Variants in SLIT2 observed in about 807,000 individuals in gnomAD.
SLIT2 encodes slit guidance ligand 2, also known as slit homolog 2 protein.
Under a neutral mutation model 185.7 loss-of-function variants are expected in SLIT2, and 41 were observed. The ratio of observed to expected loss-of-function variants is 0.22; its 90% CI spans 0.17 to 0.29. SLIT2 has a LOEUF of 0.29. Among genes scored for constraint, SLIT2 ranks in the 10% least tolerant of loss-of-function variants. The pLI, the probability that SLIT2 is intolerant of heterozygous loss-of-function variation, is 1.00. For missense variants in SLIT2, 1,571 were observed against 1,909.0 expected (o/e 0.82, Z 3.30); for synonymous variants, 693 against 680.2 (o/e 1.02, Z -0.29).
At chr4:20,536,376 G>A (rs1431331858) in intron 18 of SLIT2, among the ~76,000 whole-genome samples, 2 of 151,968 alleles carry the variant, frequency 1.3e-5, no homozygotes, top group Non-Finnish European at 2.9e-5. Context: ...GGCCAATATG[G>A]TGAAACCCCA....
intron 30 of SLIT2, among the ~76,000 whole-genome samples, chr4:20,595,047 C>T (rs1727861376): frequency 6.6e-6 from 1 of 152,134 alleles, no homozygotes; most frequent in Non-Finnish European, 1.5e-5. Flanking sequence ...CCTTTACCAC[C>T]ATGGTGAACA....
rs558112135 is a variant in SLIT2 at position 20,478,277 on chromosome 4, A to G, written c.468-2439A>G. Among the ~76,000 whole-genome samples the G allele has an allele frequency of 2.6e-5, 4 of 152,360 alleles. No individual in the cohort carries two copies. In the South Asian group the frequency reaches 8.3e-4, roughly 32 times the overall value. ...ATGTTCAGGAAATATGTGGACTCAG[A>G]TATAACAGTATTCAGAGAACTTTTA... On this transcript the variant is annotated intron_variant, in intron 5 of 36. Transcript: ENST00000504154.
Position 20,619,697 on chromosome 4 carries a change from GATAA to G in SLIT2, c.*695_*698del, listed in dbSNP as rs1486329322. 6 of 151,944 alleles carry G rather than the reference GATAA, an allele frequency of 3.9e-5. No homozygotes were observed. Among genetic ancestry groups the G allele is most frequent in the Admixed American group, 1.3e-4 (2 of 15,256 alleles). The allele number at this position is 151,944 out of a possible 1,614,324, so 9.4% of individuals were successfully genotyped here. ...GATGATAAAGAACCAATAGATTATT[GATAA>G]ATAAATTAGTAATAATATGATTTTT... On this transcript the variant is annotated 3_prime_UTR_variant, in exon 37 of 37. Coordinates refer to ENST00000504154, the MANE Select transcript of SLIT2 (RefSeq NM_004787.4).
At chr4:20,433,988 T>C (rs1279289401) in intron 4 of SLIT2, among the ~76,000 whole-genome samples, 1 of 152,212 alleles carries the variant, frequency 6.6e-6, no homozygotes, top group Non-Finnish European at 1.5e-5. Flanking sequence ...AATTTGCTTA[T>C]CTAAAATTTT....
chr4:20,268,751 C>A, intron 3 of SLIT2, 59 bp from the exon 4 acceptor site: 1 of 1,019,400 alleles, frequency 9.8e-7, no homozygotes, highest in Non-Finnish European at 1.6e-6. Context: ...TACCAAATCA[C>A]AGTCTCATTG....
At chr4:20,362,797 TG>T (rs1722846458) in intron 4 of SLIT2, among the ~76,000 whole-genome samples, 1 of 152,058 alleles carries the variant, frequency 6.6e-6, no homozygotes, top group Admixed American at 6.6e-5. Flanking sequence ...GACTTTGCTT[TG>T]TTGTTTACTT....
intron 22 of SLIT2, among the ~76,000 whole-genome samples, 180 bp downstream of exon 22, chr4:20,546,279 G>A (rs572067162): frequency 3.3e-5 from 5 of 152,192 alleles, no homozygotes; most frequent in Middle Eastern, 3.4e-3. Flanking sequence ...TCGATCAGGC[G>A]ATGGAGTGTC....
At chr4:20,540,426 G>A (rs1192740289) in intron 19 of SLIT2, among the ~76,000 whole-genome samples, 2 of 152,048 alleles carry the variant, frequency 1.3e-5, no homozygotes, top group African/African-American at 4.8e-5. Context: ...GCTGATCCAA[G>A]AGAATATTTT....
At chr4:20,291,452 A>C (rs1304762773) in intron 4 of SLIT2, among the ~76,000 whole-genome samples, 1 of 33,182 alleles carries the variant, frequency 3.0e-5, no homozygotes, top group Non-Finnish European at 5.2e-5. Context: ...AACCTCATAT[A>C]TATATATATA....
intron 4 of SLIT2, among the ~76,000 whole-genome samples, chr4:20,301,585 A>G (rs1717047055): frequency 6.6e-6 from 1 of 152,158 alleles, no homozygotes; most frequent in South Asian, 2.1e-4. Context: ...TCATGTCATG[A>G]ATTCCAATTC....
chr4:20,479,312 T>C (rs921394453), intron 5 of SLIT2, among the ~76,000 whole-genome samples: 2 of 152,214 alleles, frequency 1.3e-5, no homozygotes, highest in African/African-American at 4.8e-5. Context: ...TCATTGCACC[T>C]TTATTCAGTA....
chr4:20,568,914 G>A lies in SLIT2; in HGVS notation c.2998G>A (p.Asp1000Asn). 6.2e-7 allele frequency: 1 copy of A among 1,612,260 alleles called. No individual in the cohort carries two copies. Among genetic ancestry groups the A allele is most frequent in the Non-Finnish European group, 8.5e-7 (1 of 1,178,596 alleles). Residue 1000 changes from aspartate to asparagine, a missense_variant, in exon 29 of 37, where the codon GAT becomes AAT. This residue lies in a region of SLIT2 where 1,202 missense variants were observed against 1,416.4 expected (regional missense o/e 0.85). Coordinates refer to ENST00000504154, the MANE Select transcript of SLIT2 (RefSeq NM_004787.4). The part of the protein sequence containing the change: ...FEGENCEVNV[D>N]DCEDNDCENN... ...AGGAGAAAATTGTGAAGTCAACGTT[G>A]ATGATTGTGAAGATAATGACTGTGA...
chr4:20,502,056 C>T (rs1212341356), intron 9 of SLIT2, among the ~76,000 whole-genome samples: 2 of 151,998 alleles, frequency 1.3e-5, no homozygotes, highest in African/African-American at 4.8e-5. Context: ...TACATATACT[C>T]ACACACACAC....
At chr4:20,611,639 G>A (rs188038468) in intron 34 of SLIT2, among the ~76,000 whole-genome samples, 58 of 152,260 alleles carry the variant, frequency 3.8e-4, no homozygotes, top group Middle Eastern at 3.4e-3. Flanking sequence ...CAGTTTACAG[G>A]GTTGCTTTTG....
At chr4:20,302,990 CATTAAATCTTATCCCATT>C (rs1717196325) in intron 4 of SLIT2, among the ~76,000 whole-genome samples, 1 of 90,090 alleles carries the variant, frequency 1.1e-5, no homozygotes, top group East Asian at 1.2e-3. Context: ...CCATTATCTA[CATTAAATCTTATCCCATT>C]GTCTACATTA....
At chr4:20,400,896 G>T (rs144032239) in intron 4 of SLIT2, among the ~76,000 whole-genome samples, 28 of 151,826 alleles carry the variant, frequency 1.8e-4, no homozygotes, top group African/African-American at 6.5e-4. Flanking sequence ...GCTCAAGGGT[G>T]GTATCCATAA....
chr4:20,483,210 G>A (rs1716885002), intron 6 of SLIT2, among the ~76,000 whole-genome samples: 1 of 151,946 alleles, frequency 6.6e-6, no homozygotes, highest in Admixed American at 6.6e-5. Context: ...ACTGAAGCTA[G>A]ATGGGAGAAA....
intron 7 of SLIT2, among the ~76,000 whole-genome samples, 161 bp from the exon 8 acceptor site, chr4:20,488,658 G>T (rs756003969): frequency 2.6e-5 from 4 of 152,194 alleles, no homozygotes; most frequent in Non-Finnish European, 5.9e-5. Flanking sequence ...AATGAAGAGA[G>T]ACTTGATTCT....
chr4:20,472,246 C>CGA (rs1715141556), intron 5 of SLIT2, among the ~76,000 whole-genome samples: 4 of 39,696 alleles, frequency 1.0e-4, no homozygotes, highest in Non-Finnish European at 1.8e-4. Context: ...ATCTATATAT[C>CGA]TATATATAGA....
Sources: allele counts gnomAD v4.1 joint callset (sites outside exome capture counted in the v4.1 genomes callset), GRCh38; gene constraint gnomAD v4.1.1; regional missense constraint gnomAD v4.1.1; transcripts MANE v1.5; gene names NCBI Gene and HGNC (gene_info 2026-07-23, HGNC 2026-07-21).